The following TRMT11 variants were observed in gnomAD, a reference collection of about 807,000 sequenced individuals.
TRMT11 encodes the protein tRNA methyltransferase 11.
TRMT11 carries 53 observed loss-of-function variants against 62.8 expected under a neutral mutation model. The observed-to-expected ratio is 0.84, with a 90% CI of 0.68 to 1.06. TRMT11 has a LOEUF of 1.06. Ranked by LOEUF, TRMT11 falls within the 50% of genes least tolerant of loss-of-function variation. TRMT11 has a pLI of 0.00. For missense variants in TRMT11, 556 were observed against 553.4 expected (o/e 1.00, Z -0.05); for synonymous variants, 188 against 190.3 (o/e 0.99, Z 0.10).
chr6:126,072,183 A>C (rs1241579491), intron 17 of TRMT11, among the ~76,000 whole-genome samples: 3 of 152,122 alleles, frequency 2.0e-5, no homozygotes, highest in Non-Finnish European at 2.9e-5. Flanking sequence ...TGTTCCTTCC[A>C]GTTTGAGTAG....
At chr6:125,997,587 A>C (rs1791737538) in intron 3 of TRMT11, among the ~76,000 whole-genome samples, 1 of 152,228 alleles carries the variant, frequency 6.6e-6, no homozygotes, top group South Asian at 2.1e-4. Context: ...GGCTCATTTT[A>C]GTCTCAAGTT....
chr6:126,149,459 T>A (rs1778013222), intron 21 of TRMT11, among the ~76,000 whole-genome samples: 1 of 152,144 alleles, frequency 6.6e-6, no homozygotes, highest in Non-Finnish European at 1.5e-5. Flanking sequence ...TTATTTAATA[T>A]TGTCCTTACA....
At chr6:126,119,633 A>C (rs919751713) in intron 21 of TRMT11, among the ~76,000 whole-genome samples, 1 of 152,120 alleles carries the variant, frequency 6.6e-6, no homozygotes, top group Non-Finnish European at 1.5e-5. Context: ...GTGAGGACTC[A>C]AATATGCCTG....
intron 2 of TRMT11, among the ~76,000 whole-genome samples, chr6:126,199,233 T>C (rs571326836): frequency 6.6e-6 from 1 of 152,332 alleles, no homozygotes; most frequent in East Asian, 1.9e-4. Flanking sequence ...AATCACCTGA[T>C]GTCATGAGCA....
At chr6:126,153,405 TCTGA>T (rs1297060557) in intron 21 of TRMT11, among the ~76,000 whole-genome samples, 1 of 152,226 alleles carries the variant, frequency 6.6e-6, no homozygotes, top group Non-Finnish European at 1.5e-5. Flanking sequence ...AAACAAGTTG[TCTGA>T]CTTAGTTTTA....
At chr6:126,262,444 G>A in the TRMT11 span, among the ~76,000 whole-genome samples, 27 of 152,146 alleles carry the variant, frequency 1.8e-4, no homozygotes, top group African/African-American at 4.8e-4. Context: ...AGGTAGCCAC[G>A]GTTGTGGTAC....
At chr6:126,059,868 G>T (rs1776481126) in intron 17 of TRMT11, among the ~76,000 whole-genome samples, 1 of 152,166 alleles carries the variant, frequency 6.6e-6, no homozygotes, top group Non-Finnish European at 1.5e-5. Flanking sequence ...GTGTCTGGTT[G>T]AATGAAATTA....
chr6:126,034,553 C>T (rs1211704436), intron 12 of TRMT11, among the ~76,000 whole-genome samples: 1 of 152,108 alleles, frequency 6.6e-6, no homozygotes, highest in Non-Finnish European at 1.5e-5. Flanking sequence ...TTATTCATAT[C>T]GTCTTAATTA....
chr6:125,991,895 T>C (rs1222793507), intron 1 of TRMT11, among the ~76,000 whole-genome samples: 8 of 152,216 alleles, frequency 5.3e-5, no homozygotes, highest in Non-Finnish European at 1.5e-5. Context: ...TTGCTTGTCC[T>C]GAAGCAACCT....
chr6:126,121,909 A>G (rs1322263822), intron 21 of TRMT11, among the ~76,000 whole-genome samples: 2 of 152,036 alleles, frequency 1.3e-5, no homozygotes, highest in African/African-American at 4.8e-5. Flanking sequence ...AGGAATACTG[A>G]TGTTGGGCTC....
chr6:126,002,638 T>TC (rs1042120532), intron 7 of TRMT11, among the ~76,000 whole-genome samples: 27 of 152,192 alleles, frequency 1.8e-4, no homozygotes, highest in African/African-American at 5.8e-4. Context: ...TTATCTCCTA[T>TC]CCCCCACTCC....
chr6:126,271,363 C>CAAAA, the TRMT11 span, among the ~76,000 whole-genome samples: 1,340 of 33,276 alleles, frequency 0.04, 2 homozygotes, highest in Middle Eastern at 0.054. Context: ...GACTCCATCT[C>CAAAA]AAAAAAAAAA....
chr6:126,117,363 T>C (rs1362580949), intron 21 of TRMT11, among the ~76,000 whole-genome samples: 2 of 152,128 alleles, frequency 1.3e-5, no homozygotes, highest in Admixed American at 1.3e-4. Context: ...TGCTTTTCTT[T>C]GATGAATCTT....
chr6:126,136,525 A>G (rs1490383641), intron 21 of TRMT11, among the ~76,000 whole-genome samples: 1 of 151,736 alleles, frequency 6.6e-6, no homozygotes, highest in Admixed American at 6.6e-5. Flanking sequence ...AATGGAAAAT[A>G]TCCCATGCCA....
chr6:126,157,076 G>A (rs927437806), intron 21 of TRMT11, among the ~76,000 whole-genome samples: 10 of 152,112 alleles, frequency 6.6e-5, no homozygotes, highest in Admixed American at 2.6e-4. Context: ...ATCAACAATG[G>A]TCCCTCAGAT....
At chr6:126,098,662 G>A (rs1777365049) in intron 17 of TRMT11, among the ~76,000 whole-genome samples, 1 of 152,172 alleles carries the variant, frequency 6.6e-6, no homozygotes, top group Non-Finnish European at 1.5e-5. Flanking sequence ...ATTGGCGGGG[G>A]ATGAGGGGCT....
At chr6:126,010,385 C>T (rs1261927181) in intron 8 of TRMT11, among the ~76,000 whole-genome samples, 3 of 151,972 alleles carry the variant, frequency 2.0e-5, no homozygotes, top group Admixed American at 1.3e-4. Flanking sequence ...CAGGCGTCTA[C>T]CTATCTTTGA....
At chr6:126,095,846 G>A (rs1471651695) in intron 17 of TRMT11, among the ~76,000 whole-genome samples, 1 of 152,146 alleles carries the variant, frequency 6.6e-6, no homozygotes, top group Non-Finnish European at 1.5e-5. Context: ...GAAGGAGAGA[G>A]CTTTTTAAGT....
intron 11 of TRMT11, among the ~76,000 whole-genome samples, 182 bp downstream of exon 11, chr6:126,013,283 G>T (rs1321727622): frequency 1.3e-5 from 2 of 151,894 alleles, no homozygotes; most frequent in African/African-American, 4.8e-5. Flanking sequence ...TTGAGACAAG[G>T]TCTTGCTCTG....
Sources: gnomAD v4.1 joint callset for allele counts (sites outside exome capture counted in the v4.1 genomes callset) on GRCh38, gnomAD v4.1.1 for gene constraint, MANE v1.5 for transcripts, NCBI Gene and HGNC (gene_info 2026-07-23, HGNC 2026-07-21) for gene names.